Variants in LARGE1 observed in about 807,000 individuals in gnomAD.
LARGE1 encodes the protein LARGE xylosyl- and glucuronyltransferase 1.
In LARGE1, 43 loss-of-function variants were observed where a neutral mutation model predicts 87.6. The observed-to-expected ratio is 0.49, with a 90% CI of 0.38 to 0.63. The LOEUF is 0.63. LARGE1 is among the 30% of genes least tolerant of loss of function. The pLI, the probability that LARGE1 is intolerant of heterozygous loss-of-function variation, is 0.00. For synonymous variants in LARGE1, 434 were observed against 394.6 expected (o/e 1.10, Z -1.18); for missense variants, 802 against 1,000.2 (o/e 0.80, Z 2.67).
intron 2 of LARGE1, among the ~76,000 whole-genome samples, chr22:33,752,609 T>A (rs1036739564): frequency 6.6e-6 from 1 of 152,214 alleles, no homozygotes; most frequent in African/African-American, 2.4e-5. Flanking sequence ...AAATGTTGGA[T>A]ACATATATGT....
intron 1 of LARGE1, among the ~76,000 whole-genome samples, chr22:33,841,774 G>T (rs1601749086): frequency 6.6e-6 from 1 of 152,162 alleles, no homozygotes; most frequent in African/African-American, 2.4e-5. Flanking sequence ...GGAAAACTAA[G>T]CAGGGTGAAT....
At chr22:33,386,243 C>T (rs1399538709) in intron 7 of LARGE1, among the ~76,000 whole-genome samples, 1 of 148,750 alleles carries the variant, frequency 6.7e-6, no homozygotes, top group Non-Finnish European at 1.5e-5. Flanking sequence ...AACTGAGGGG[C>T]TAAATCGGAC....
intron 7 of LARGE1, among the ~76,000 whole-genome samples, chr22:33,386,711 G>T (rs1005305318): frequency 1.3e-5 from 2 of 148,850 alleles, no homozygotes; most frequent in East Asian, 1.9e-4. Flanking sequence ...ATGTTGGGGG[G>T]GGTAGAAAGA....
At chr22:33,305,627 T>A in intron 11 of LARGE1, 1 of 984,640 alleles carries the variant, frequency 1.0e-6, no homozygotes, top group South Asian at 4.7e-5. Flanking sequence ...TCCATGCTTC[T>A]AAACAAAAGG....
the LARGE1 span, among the ~76,000 whole-genome samples, chr22:33,121,434 G>A: frequency 6.6e-6 from 1 of 152,172 alleles, no homozygotes; most frequent in Non-Finnish European, 1.5e-5. Context: ...CAATTCAAAG[G>A]CTTGTGATCA....
intron 3 of LARGE1, among the ~76,000 whole-genome samples, chr22:33,632,779 T>C (rs2080150410): frequency 1.3e-5 from 2 of 152,232 alleles, no homozygotes; most frequent in Non-Finnish European, 2.9e-5. Flanking sequence ...CATTCATAGA[T>C]ACTTGCTGAT....
At chr22:33,725,600 T>G (rs1970464827) in intron 2 of LARGE1, 1 of 152,240 alleles carries the variant, frequency 6.6e-6, no homozygotes, top group South Asian at 2.1e-4. Flanking sequence ...ATTGTCCTTT[T>G]GCTAAATTTA....
At chr22:33,895,156 C>T (rs115204106) in intron 1 of LARGE1, among the ~76,000 whole-genome samples, 5,595 of 152,114 alleles carry the variant, frequency 0.037, 108 homozygotes, top group Middle Eastern at 0.078. Flanking sequence ...ACACACAAAC[C>T]GGAAACCAGA....
At chr22:33,316,998 G>A (rs1966468811) in intron 10 of LARGE1, among the ~76,000 whole-genome samples, 2 of 152,166 alleles carry the variant, frequency 1.3e-5, no homozygotes, top group South Asian at 2.1e-4. Flanking sequence ...TGGATCACCT[G>A]AGGTCAGGAG....
rs138059609 is a variant in LARGE1, at chr22:33,621,349, G to A, written c.491+4895C>T. ...TGTATTAATTTCTCTCCAACAGGTCGCAGCAATTGTCAGCGTTGGCATTAG... is the reference window on the plus strand; with the variant it reads ...TGTATTAATTTCTCTCCAACAGGTCACAGCAATTGTCAGCGTTGGCATTAG... On this transcript the variant is annotated intron_variant, in intron 4 of 14. Transcript: ENST00000397394. Among the ~76,000 whole-genome samples, 545 of 152,222 alleles carry A rather than the reference G, an allele frequency of 3.6e-3. 5 individuals carry two copies. Among genetic ancestry groups the A allele is most frequent in the African/African-American group, 0.012 (519 of 41,542 alleles).
intron 6 of LARGE1, among the ~76,000 whole-genome samples, chr22:33,559,926 G>A (rs1249483437): frequency 6.6e-6 from 1 of 152,034 alleles, no homozygotes; most frequent in African/African-American, 2.4e-5. Context: ...CCTTGGGCCC[G>A]CCCTCTACAA....
intron 12 of LARGE1, among the ~76,000 whole-genome samples, chr22:33,288,772 G>A (rs938519636): frequency 6.6e-6 from 1 of 152,062 alleles, no homozygotes; most frequent in South Asian, 2.1e-4. Context: ...CTGCCACTCT[G>A]TTCTTGTCCC....
intron 9 of LARGE1, among the ~76,000 whole-genome samples, chr22:33,350,466 G>T (rs563348976): frequency 2.0e-5 from 3 of 152,282 alleles, no homozygotes; most frequent in Admixed American, 1.3e-4. Context: ...CTCCTCGGGG[G>T]TGTGACTGGA....
downstream of LARGE1, among the ~76,000 whole-genome samples, chr22:33,272,386 C>T (rs927671658): frequency 4.1e-4 from 62 of 152,256 alleles, no homozygotes; most frequent in African/African-American, 1.4e-3. Flanking sequence ...TAACAACTAG[C>T]TCTTGGGGAT....
At chr22:33,308,929 C>A (rs1935242966) in intron 11 of LARGE1, among the ~76,000 whole-genome samples, 1 of 152,144 alleles carries the variant, frequency 6.6e-6, no homozygotes. Flanking sequence ...ACAGCAGGTA[C>A]TCAGTATATG....
chr22:33,779,800 A>G (rs2085359873), intron 1 of LARGE1, among the ~76,000 whole-genome samples: 1 of 132,156 alleles, frequency 7.6e-6, no homozygotes, highest in Non-Finnish European at 1.8e-5. Flanking sequence ...AAAAATTAAA[A>G]AAAAATTAAA....
chr22:33,339,089 G>C (rs1336611437), intron 9 of LARGE1, among the ~76,000 whole-genome samples: 1 of 151,366 alleles, frequency 6.6e-6, no homozygotes, highest in African/African-American at 2.4e-5. Context: ...TGGAGGTTGC[G>C]GTGGGCCGAG....
the LARGE1 span, among the ~76,000 whole-genome samples, chr22:33,085,120 A>G: frequency 6.6e-6 from 1 of 152,210 alleles, no homozygotes; most frequent in Admixed American, 6.5e-5. Context: ...TACTAAAAAT[A>G]CAAAAATTAA....
intron 6 of LARGE1, among the ~76,000 whole-genome samples, chr22:33,535,062 T>C (rs2077001857): frequency 1.3e-5 from 2 of 152,242 alleles, no homozygotes; most frequent in South Asian, 4.1e-4. Flanking sequence ...ATCTCTTGTC[T>C]GGAGGACAGA....
Sources: gnomAD v4.1 joint callset for allele counts (sites outside exome capture counted in the v4.1 genomes callset) on GRCh38, gnomAD v4.1.1 for gene constraint, MANE v1.5 for transcripts, NCBI Gene and HGNC (gene_info 2026-07-23, HGNC 2026-07-21) for gene names.